IGF1R: variants seen among roughly 807,000 people sequenced by gnomAD.
IGF1R encodes insulin like growth factor 1 receptor, also known as insulin-like growth factor 1 receptor.
Under a neutral mutation model 144.6 loss-of-function variants are expected in IGF1R, and 44 were observed. The ratio of observed to expected loss-of-function variants is 0.30; its 90% CI spans 0.24 to 0.39. IGF1R has a LOEUF of 0.39. IGF1R is among the 10% of genes least tolerant of loss of function. The pLI is 1.00. For synonymous variants in IGF1R, 795 were observed against 722.8 expected, an observed-to-expected ratio of 1.10 and a Z score of -1.60; for missense variants, 1,355 against 1,833.7, an observed-to-expected ratio of 0.74 and a Z score of 4.77.
At chr15:98,893,177 C>G (rs2014013545) in intron 3 of IGF1R, among the ~76,000 whole-genome samples, 1 of 152,138 alleles carries the variant, frequency 6.6e-6, no homozygotes. Flanking sequence ...TTTGCTGCAG[C>G]TTATGAAGTA....
intron 2 of IGF1R, among the ~76,000 whole-genome samples, chr15:98,729,521 G>A (rs1401757419): frequency 1.4e-5 from 2 of 146,152 alleles, no homozygotes; most frequent in Non-Finnish European, 3.0e-5. Flanking sequence ...TCTGTTTTCT[G>A]TTTTCTTCAT....
chr15:98,962,939 A>G lies in IGF1R; in HGVS notation c.*5497A>G, dbSNP rs2017281749. 1 of 233,512 alleles carries G rather than the reference A, an allele frequency of 4.3e-6. No homozygotes were observed. Among genetic ancestry groups the G allele is most frequent in the Non-Finnish European group, 8.5e-6 (1 of 118,036 alleles). The allele number at this position is 233,512 out of a possible 1,614,324, so 14.5% of individuals were successfully genotyped here. ...TTGTTTCTGCGAGAACATAACGATC[A>G]CTCATTTTTATGTCCCACGTGTGTG... On this transcript the variant is annotated 3_prime_UTR_variant, in exon 21 of 21. Coordinates refer to ENST00000650285, the MANE Select transcript of IGF1R (RefSeq NM_000875.5).
At chr15:98,853,656 C>T (rs1488673768) in intron 2 of IGF1R, among the ~76,000 whole-genome samples, 1 of 152,196 alleles carries the variant, frequency 6.6e-6, no homozygotes, top group Non-Finnish European at 1.5e-5. Flanking sequence ...GGAGGATAAG[C>T]CTCCCTCCTG....
intron 6 of IGF1R, among the ~76,000 whole-genome samples, chr15:98,910,598 A>T (rs371121416): frequency 8.9e-4 from 135 of 152,212 alleles, no homozygotes; most frequent in African/African-American, 3.1e-3. Context: ...CCTGGTCCTT[A>T]TCGTAGTTTG....
intron 2 of IGF1R, among the ~76,000 whole-genome samples, chr15:98,871,969 C>A (rs1040896407): frequency 1.3e-5 from 2 of 152,102 alleles, no homozygotes; most frequent in Non-Finnish European, 2.9e-5. Flanking sequence ...AACTTTTTTC[C>A]CTGTCTAAAA....
intron 1 of IGF1R, among the ~76,000 whole-genome samples, chr15:98,653,032 GTCTC>G (rs960342707): frequency 6.0e-5 from 9 of 150,524 alleles, no homozygotes; most frequent in African/African-American, 1.2e-4. Flanking sequence ...ACAGGCTGAT[GTCTC>G]TCTCTCTTTT....
At chr15:98,852,531 A>C (rs1245359357) in intron 2 of IGF1R, among the ~76,000 whole-genome samples, 2 of 152,200 alleles carry the variant, frequency 1.3e-5, no homozygotes, top group African/African-American at 2.4e-5. Context: ...GCAAGGATGC[A>C]GCAGGAGTAT....
intron 8 of IGF1R, among the ~76,000 whole-genome samples, chr15:98,914,419 G>A (rs1376160703): frequency 6.6e-6 from 1 of 152,158 alleles, no homozygotes; most frequent in Non-Finnish European, 1.5e-5. Flanking sequence ...AAATGCTGGT[G>A]GGGAAAACCT....
At chr15:98,777,300 C>T (rs1460702220) in intron 2 of IGF1R, among the ~76,000 whole-genome samples, 2 of 152,234 alleles carry the variant, frequency 1.3e-5, no homozygotes, top group Non-Finnish European at 2.9e-5. Flanking sequence ...TTCATGTGAC[C>T]TGGAACTTGG....
intron 2 of IGF1R, among the ~76,000 whole-genome samples, chr15:98,822,166 A>G (rs2056815482): frequency 6.6e-6 from 1 of 152,132 alleles, no homozygotes. Flanking sequence ...CCACCCTCAA[A>G]CAGTTACCCA....
At chr15:98,695,159 C>T (rs1409164027) in intron 1 of IGF1R, among the ~76,000 whole-genome samples, 2 of 152,152 alleles carry the variant, frequency 1.3e-5, no homozygotes, top group Admixed American at 1.3e-4. Context: ...GTATGCTTTT[C>T]AGTGGGATAT....
rs551972751 is a variant in IGF1R at position 98,707,149 on chromosome 15, G to T, written c.95-413G>T. ...GTGCAGTAGTAAGTTATTGATACTTGGCTGCTGAGCTGTCGTTCAGGCCTT... is the reference window on the plus strand; with the variant it reads ...GTGCAGTAGTAAGTTATTGATACTTTGCTGCTGAGCTGTCGTTCAGGCCTT... On this transcript the variant is annotated intron_variant, in intron 1 of 20. Transcript: ENST00000650285. This position sits in a 1 kb window ranked among gnomAD's most constrained non-coding sequence, Gnocchi z 6.7. Among the ~76,000 whole-genome samples, 1 of 152,260 alleles carries T rather than the reference G, an allele frequency of 6.6e-6. No individual in the cohort carries two copies. The highest frequency in any genetic ancestry group is 2.1e-4 in the South Asian group (1 of 4,828).
chr15:98,761,803 T>TG lies in IGF1R; in HGVS notation c.640+53698dup, dbSNP rs139862393. Among the ~76,000 whole-genome samples the TG allele has an allele frequency of 4.3e-3, 650 of 152,350 alleles. 3 individuals are homozygous for TG. Among genetic ancestry groups the TG allele is most frequent in the Non-Finnish European group, 7.1e-3 (482 of 68,030 alleles). Reference sequence around the variant, plus strand: ...CATTCAGTCCCTAGGTCCTCCATGATGGAATATTGGTTGATGCACTTATTC... The same window carrying TG: ...CATTCAGTCCCTAGGTCCTCCATGATGGGAATATTGGTTGATGCACTTATTC... On this transcript the variant is annotated intron_variant, in intron 2 of 20. Transcript: ENST00000650285.
At chr15:98,703,696 C>G (rs1048551640) in intron 1 of IGF1R, among the ~76,000 whole-genome samples, 1 of 152,220 alleles carries the variant, frequency 6.6e-6, no homozygotes, top group Non-Finnish European at 1.5e-5. Flanking sequence ...AGTGTGGCCT[C>G]TGTTAACTAG....
chr15:98,703,992 A>G (rs927531344), intron 1 of IGF1R, among the ~76,000 whole-genome samples: 1 of 152,164 alleles, frequency 6.6e-6, no homozygotes, highest in Non-Finnish European at 1.5e-5. Context: ...AAAATTCCAC[A>G]CCTGACCTCA....
chr15:98,836,550 A>C (rs1198126774), intron 2 of IGF1R, among the ~76,000 whole-genome samples: 1 of 151,930 alleles, frequency 6.6e-6, no homozygotes, highest in Non-Finnish European at 1.5e-5. Context: ...AGTTTGTAAA[A>C]TATCACCCAG....
At position 98,798,798 on chromosome 15, in the gene IGF1R, TAGC is replaced by T. The variant is rs199596219; in HGVS notation, c.640+90694_640+90696del. Among the ~76,000 whole-genome samples the T allele has an allele frequency of 7.8e-3, 1,185 of 152,240 alleles. 9 individuals carry two copies. Among genetic ancestry groups the T allele is most frequent in the African/African-American group, 0.027 (1,124 of 41,528 alleles). Reference sequence around the variant, plus strand: ...GATTTTGTTCTCTGTGTTGGAAAGTTAGCAGAGAGCTTATATGGGGGGTGAGAT... The same window carrying T: ...GATTTTGTTCTCTGTGTTGGAAAGTTAGAGAGCTTATATGGGGGGTGAGAT... On this transcript the variant is annotated intron_variant, in intron 2 of 20. Coordinates refer to ENST00000650285, the MANE Select transcript of IGF1R (RefSeq NM_000875.5).
intron 2 of IGF1R, among the ~76,000 whole-genome samples, chr15:98,812,149 A>G (rs886969006): frequency 1.3e-5 from 2 of 152,144 alleles, no homozygotes; most frequent in Admixed American, 1.3e-4. Context: ...TGACCAGTAG[A>G]AATCATACCA....
At chr15:98,851,105 C>T (rs1415787562) in intron 2 of IGF1R, among the ~76,000 whole-genome samples, 1 of 152,132 alleles carries the variant, frequency 6.6e-6, no homozygotes, top group East Asian at 1.9e-4. Flanking sequence ...GAACAGTGGC[C>T]TCTCCCGGGC....
Sources: gnomAD v4.1 joint callset for allele counts (sites outside exome capture counted in the v4.1 genomes callset) on GRCh38, gnomAD v4.1.1 for gene constraint, Gnocchi (gnomAD v3.1) non-coding constraint, MANE v1.5 for transcripts, NCBI Gene and HGNC (gene_info 2026-07-23, HGNC 2026-07-21) for gene names.